PCCA: variants seen among roughly 807,000 people sequenced by gnomAD.
The protein encoded by PCCA is propionyl-CoA carboxylase alpha chain, mitochondrial.
In PCCA, 74 loss-of-function variants were observed where a neutral mutation model predicts 101.3. The ratio of observed to expected loss-of-function variants is 0.73; its 90% CI spans 0.61 to 0.89. PCCA has a LOEUF of 0.89. PCCA is among the 40% of genes least tolerant of loss of function. The probability of loss-of-function intolerance (pLI) is 0.00; values close to 1 mark genes in which losing one functional copy is unlikely to be tolerated. For synonymous variants in PCCA, 294 were observed against 313.6 expected, an observed-to-expected ratio of 0.94 and a Z score of 0.66; for missense variants, 891 against 907.0, an observed-to-expected ratio of 0.98 and a Z score of 0.23.
At chr13:100,303,134 T>G (rs995493072) in intron 14 of PCCA, 136 bp downstream of exon 14, 22 of 728,138 alleles carry the variant, frequency 3.0e-5, no homozygotes, top group African/African-American at 2.8e-4. Context: ...GGTTTTTGTG[T>G]TGAAAACAAA....
chr13:100,105,673 A>AC (rs2047695530), intron 2 of PCCA, among the ~76,000 whole-genome samples: 1 of 149,502 alleles, frequency 6.7e-6, no homozygotes, highest in Non-Finnish European at 1.5e-5. Flanking sequence ...AAAAAAAAAA[A>AC]AAAAAACACC....
intron 19 of PCCA, among the ~76,000 whole-genome samples, chr13:100,388,772 G>A (rs1201422969): frequency 6.6e-6 from 1 of 152,156 alleles, no homozygotes; most frequent in Non-Finnish European, 1.5e-5. Context: ...TCCAGCCTGG[G>A]TGACAAGAGT....
chr13:100,187,426 T>G (rs989353653), intron 6 of PCCA, among the ~76,000 whole-genome samples: 2 of 152,160 alleles, frequency 1.3e-5, no homozygotes, highest in Non-Finnish European at 2.9e-5. Context: ...CTATTTTTAG[T>G]CTGTTCACTT....
intron 19 of PCCA, among the ~76,000 whole-genome samples, chr13:100,404,954 T>C (rs191700313): frequency 3.8e-4 from 58 of 152,318 alleles, no homozygotes; most frequent in African/African-American, 1.4e-3. Context: ...CATCCAGTTT[T>C]CTTTCTAGGG....
chr13:100,287,470 A>G (rs2064769151), intron 12 of PCCA, among the ~76,000 whole-genome samples: 1 of 152,084 alleles, frequency 6.6e-6, no homozygotes, highest in African/African-American at 2.4e-5. Flanking sequence ...GAACTAAAAT[A>G]TGTTCTTAAT....
At chr13:100,159,546 A>C (rs1458512548) in intron 6 of PCCA, among the ~76,000 whole-genome samples, 2 of 152,166 alleles carry the variant, frequency 1.3e-5, no homozygotes, top group Non-Finnish European at 2.9e-5. Flanking sequence ...ATACACAAAT[A>C]ACTTCACTTC....
chr13:100,173,304 G>T (rs1359165131), intron 6 of PCCA, among the ~76,000 whole-genome samples: 1 of 152,186 alleles, frequency 6.6e-6, no homozygotes, highest in Admixed American at 6.5e-5. Flanking sequence ...GTCTTCACTT[G>T]TTGGAGGACT....
At position 100,150,581 on chromosome 13, in the gene PCCA, A is replaced by G; in HGVS notation, c.301-4398A>G. On this transcript the variant is annotated intron_variant, in intron 4 of 23. Coordinates refer to ENST00000376285, the MANE Select transcript of PCCA (RefSeq NM_000282.4). ...GAACTTACGGCCGTTTCCAAGGGCC[A>G]GGGCTCTTTTGGCCTGCAGATGTCA... is the stretch of plus-strand genomic sequence containing the variant. 3.2e-6 allele frequency: 4 copies of G among 1,233,608 alleles called. No individual in the cohort carries two copies. The South Asian group carries it at 3.6e-5, about 11-fold the overall frequency. 76.4% of individuals were successfully genotyped at this position (1,233,608 alleles called of 1,614,324 possible). A position where few individuals can be genotyped will look rare whatever the true frequency, so the allele number is the denominator to read the frequency against.
chr13:100,131,814 T>C (rs750836392), intron 4 of PCCA, among the ~76,000 whole-genome samples: 12 of 152,232 alleles, frequency 7.9e-5, no homozygotes, highest in Non-Finnish European at 1.8e-4. Context: ...TTGTGGTTCC[T>C]GCACTCTTGT....
intron 7 of PCCA, among the ~76,000 whole-genome samples, chr13:100,213,979 G>A (rs1392448814): frequency 6.6e-6 from 1 of 152,126 alleles, no homozygotes; most frequent in African/African-American, 2.4e-5. Context: ...ACCATTTATT[G>A]AAGAGACCGT....
intron 21 of PCCA, among the ~76,000 whole-genome samples, chr13:100,478,324 C>G (rs925371043): frequency 6.6e-6 from 1 of 152,210 alleles, no homozygotes; most frequent in African/African-American, 2.4e-5. Context: ...GTCTCCCTTC[C>G]TGGGCCCAAG....
chr13:100,426,840 G>A (rs79803011), intron 20 of PCCA, among the ~76,000 whole-genome samples: 138 of 151,740 alleles, frequency 9.1e-4, no homozygotes, highest in Non-Finnish European at 1.6e-3. Context: ...TATAAATTAT[G>A]AGTTGAAATA....
At chr13:100,225,854 G>A (rs7998122) in intron 7 of PCCA, among the ~76,000 whole-genome samples, 1 of 151,830 alleles carries the variant, frequency 6.6e-6, no homozygotes, top group Non-Finnish European at 1.5e-5. Context: ...GCAGTGGCGC[G>A]ATCTTGGCTC....
At chr13:100,526,319 C>T (rs1174967150) in intron 22 of PCCA, among the ~76,000 whole-genome samples, 1 of 152,212 alleles carries the variant, frequency 6.6e-6, no homozygotes, top group Non-Finnish European at 1.5e-5. Context: ...AAAAGGGCAG[C>T]GCGGGCAGCG....
chr13:100,123,422 A>G (rs2049624710), intron 4 of PCCA, among the ~76,000 whole-genome samples: 1 of 152,254 alleles, frequency 6.6e-6, no homozygotes, highest in South Asian at 2.1e-4. Flanking sequence ...AAATAAATCT[A>G]TAAATTTCCT....
At chr13:100,213,251 C>T (rs1444910454) in intron 7 of PCCA, among the ~76,000 whole-genome samples, 1 of 152,054 alleles carries the variant, frequency 6.6e-6, no homozygotes, top group South Asian at 2.1e-4. Flanking sequence ...TGGGTATATA[C>T]CTAGCAGTGG....
chr13:100,201,193 T>TTA (rs995320594), intron 6 of PCCA, among the ~76,000 whole-genome samples: 6 of 152,154 alleles, frequency 3.9e-5, no homozygotes, highest in Admixed American at 3.3e-4. Context: ...CTATAAGGTT[T>TTA]TATATATATA....
In PCCA at chr13:100,178,813, C is replaced by G. The variant is rs1029413132; in HGVS notation, c.468+21473C>G. On this transcript the variant is annotated intron_variant, in intron 6 of 23. Transcript: ENST00000376285. ...AATGTGTGGGCCGGGCGCGGTGGCT[C>G]ATGCCTGTAATCCCAGCACTTTGGG... Among the ~76,000 whole-genome samples the G allele has an allele frequency of 4.9e-4, 75 of 152,042 alleles. 1 individual carries two copies. The highest frequency in any genetic ancestry group is 1.3e-4 in the Non-Finnish European group (9 of 68,008).
intron 19 of PCCA, among the ~76,000 whole-genome samples, chr13:100,414,895 G>T (rs1452117356): frequency 2.0e-5 from 3 of 152,134 alleles, no homozygotes; most frequent in Admixed American, 6.5e-5. Context: ...TATGCAGTGA[G>T]CATCTACTGT....
Sources: gnomAD v4.1 joint callset for allele counts (sites outside exome capture counted in the v4.1 genomes callset) on GRCh38, gnomAD v4.1.1 for gene constraint, MANE v1.5 for transcripts, NCBI Gene and HGNC (gene_info 2026-07-23, HGNC 2026-07-21) for gene names.